Variants in TAFA1 observed in about 807,000 individuals in gnomAD.
TAFA1 encodes chemokine-like protein TAFA-1.
Under a neutral mutation model 18.5 loss-of-function variants are expected in TAFA1, and 4 were observed. The ratio of observed to expected loss-of-function variants is 0.22; its 90% CI spans 0.11 to 0.49. The LOEUF is 0.49. Among genes scored for constraint, TAFA1 ranks in the 20% least tolerant of loss-of-function variants. The probability of loss-of-function intolerance (pLI) is 0.98; values close to 1 mark genes in which losing one functional copy is unlikely to be tolerated. For missense variants in TAFA1, 147 were observed against 169.0 expected, an observed-to-expected ratio of 0.87 and a Z score of 0.72; for synonymous variants, 56 against 55.2, an observed-to-expected ratio of 1.01 and a Z score of -0.06.
chr3:68,221,172 C>G (rs1331225620), intron 2 of TAFA1, among the ~76,000 whole-genome samples: 1 of 152,168 alleles, frequency 6.6e-6, no homozygotes, highest in African/African-American at 2.4e-5. Context: ...CATTTTGGTC[C>G]AGTAACAAAT....
chr3:68,096,414 T>C (rs2065087490), intron 2 of TAFA1, among the ~76,000 whole-genome samples: 1 of 152,164 alleles, frequency 6.6e-6, no homozygotes, highest in East Asian at 1.9e-4. Flanking sequence ...TGAATGAATG[T>C]TCTCATTTTA....
intron 2 of TAFA1, among the ~76,000 whole-genome samples, chr3:68,169,699 A>G (rs765818496): frequency 1.3e-5 from 2 of 152,262 alleles, no homozygotes; most frequent in South Asian, 2.1e-4. Flanking sequence ...ATGAGTCTGT[A>G]TCTCACTCTG....
intron 2 of TAFA1, among the ~76,000 whole-genome samples, chr3:68,213,398 T>G (rs2066618501): frequency 6.6e-6 from 1 of 152,096 alleles, no homozygotes; most frequent in Non-Finnish European, 1.5e-5. Context: ...TTTTGCATCC[T>G]TCTGCTTAAT....
intron 2 of TAFA1, among the ~76,000 whole-genome samples, chr3:68,165,079 C>T: frequency 6.6e-6 from 1 of 152,292 alleles, no homozygotes; most frequent in East Asian, 1.9e-4. Context: ...CAAGGGACAG[C>T]AACCCAAAAG....
intron 3 of TAFA1, among the ~76,000 whole-genome samples, chr3:68,441,456 G>A (rs2071378634): frequency 6.6e-6 from 1 of 152,100 alleles, no homozygotes; most frequent in Admixed American, 6.5e-5. Flanking sequence ...GATAGCTCTT[G>A]GCCTGTTACT....
chr3:68,325,964 G>C (rs2068771326), intron 2 of TAFA1, among the ~76,000 whole-genome samples: 1 of 152,116 alleles, frequency 6.6e-6, no homozygotes, highest in Admixed American at 6.5e-5. Context: ...TTGGGAAGCT[G>C]TTACACAAGG....
intron 3 of TAFA1, among the ~76,000 whole-genome samples, chr3:68,465,915 G>A (rs552089422): frequency 2.3e-4 from 35 of 152,264 alleles, no homozygotes; most frequent in African/African-American, 7.5e-4. Flanking sequence ...GGGTGGGATA[G>A]GGGAGGGAAT....
At chr3:68,209,895 G>A (rs907185978) in intron 2 of TAFA1, among the ~76,000 whole-genome samples, 1 of 151,906 alleles carries the variant, frequency 6.6e-6, no homozygotes, top group African/African-American at 2.4e-5. Context: ...ATCTATAGAT[G>A]TGGAGCCCGT....
At chr3:68,462,866 C>G (rs939476886) in intron 3 of TAFA1, among the ~76,000 whole-genome samples, 1 of 152,132 alleles carries the variant, frequency 6.6e-6, no homozygotes, top group African/African-American at 2.4e-5. Flanking sequence ...CATATTTTAG[C>G]TGTCATTGGT....
At chr3:68,242,128 G>A (rs777327981) in intron 2 of TAFA1, among the ~76,000 whole-genome samples, 13 of 152,108 alleles carry the variant, frequency 8.5e-5, no homozygotes, top group Non-Finnish European at 1.5e-4. Flanking sequence ...GCTTCAGATG[G>A]GAGCTGGTAA....
chr3:68,125,972 T>C (rs1189856145), intron 2 of TAFA1, among the ~76,000 whole-genome samples: 2 of 152,188 alleles, frequency 1.3e-5, no homozygotes, highest in African/African-American at 2.4e-5. Flanking sequence ...TCAGTGGCTC[T>C]GTGGATTCTC....
chr3:68,478,908 A>G (rs1223100543), intron 3 of TAFA1, among the ~76,000 whole-genome samples: 1 of 86,428 alleles, frequency 1.2e-5, no homozygotes, highest in African/African-American at 3.7e-5. Flanking sequence ...TTTATGTCGT[A>G]TATGTGTGTA....
At chr3:68,541,955 T>C (rs1243195198) in intron 4 of TAFA1, among the ~76,000 whole-genome samples, 1 of 152,126 alleles carries the variant, frequency 6.6e-6, no homozygotes, top group Non-Finnish European at 1.5e-5. Context: ...AGTAGAAATG[T>C]GGTGGTTCAT....
At chr3:68,219,258 CT>C (rs560474480) in intron 2 of TAFA1, among the ~76,000 whole-genome samples, 142 of 152,132 alleles carry the variant, frequency 9.3e-4, no homozygotes, top group African/African-American at 3.4e-3. Flanking sequence ...CCCAAAGACA[CT>C]TTTTAAAAGT....
chr3:68,373,004 C>T (rs1242131772), intron 2 of TAFA1, among the ~76,000 whole-genome samples: 1 of 152,072 alleles, frequency 6.6e-6, no homozygotes, highest in African/African-American at 2.4e-5. Flanking sequence ...TCTCCAAAGC[C>T]CAAGAAATTT....
intron 3 of TAFA1, among the ~76,000 whole-genome samples, chr3:68,511,482 G>A (rs182480368): frequency 2.4e-4 from 36 of 152,068 alleles, no homozygotes; most frequent in East Asian, 5.8e-4. Flanking sequence ...ATAACAAAAC[G>A]ATAAAAACCT....
intron 3 of TAFA1, among the ~76,000 whole-genome samples, chr3:68,499,095 C>G (rs759042259): frequency 5.9e-5 from 9 of 151,986 alleles, no homozygotes; most frequent in Admixed American, 5.9e-4. Flanking sequence ...CAAAGAGATA[C>G]GATTTTTCCT....
intron 3 of TAFA1, among the ~76,000 whole-genome samples, chr3:68,530,866 G>C (rs1307821205): frequency 6.6e-6 from 1 of 152,000 alleles, no homozygotes; most frequent in African/African-American, 2.4e-5. Context: ...GCAAGTATTT[G>C]TGTTTGATAT....
intron 2 of TAFA1, among the ~76,000 whole-genome samples, chr3:68,037,867 G>A (rs993263504): frequency 2.0e-5 from 3 of 152,086 alleles, no homozygotes; most frequent in Admixed American, 1.3e-4. Flanking sequence ...ATATTTTCAC[G>A]GCATGCCATT....
Sources: allele counts gnomAD v4.1 joint callset (sites outside exome capture counted in the v4.1 genomes callset), GRCh38; gene constraint gnomAD v4.1.1; transcripts MANE v1.5; gene names NCBI Gene and HGNC (gene_info 2026-07-23, HGNC 2026-07-21).